ADGRG1: variants seen among roughly 807,000 people sequenced by gnomAD.
ADGRG1 encodes adhesion G protein-coupled receptor G1.
A neutral mutation model predicts 73.5 loss-of-function variants in ADGRG1; 53 were observed. The observed-to-expected ratio is 0.72, with a 90% CI of 0.58 to 0.91. The LOEUF (loss-of-function observed/expected upper bound fraction) is 0.91. Among genes scored for constraint, ADGRG1 ranks in the 40% least tolerant of loss-of-function variants. The probability of loss-of-function intolerance (pLI) is 0.00; values close to 1 mark genes in which losing one functional copy is unlikely to be tolerated. For missense variants in ADGRG1, 795 were observed against 871.8 expected, an observed-to-expected ratio of 0.91 and a Z score of 1.11; for synonymous variants, 394 against 374.4, an observed-to-expected ratio of 1.05 and a Z score of -0.60.
At chr16:57,625,444 G>A, upstream of ADGRG1, 1 of 280,470 alleles carries the variant, frequency 3.6e-6, no homozygotes, top group Non-Finnish European at 5.4e-6. Context: ...TGGGGGGTGG[G>A]GTGTCCCAGC....
At chr16:57,634,109 G>T in intron 1 of ADGRG1, 1 of 985,468 alleles carries the variant, frequency 1.0e-6, no homozygotes, top group Non-Finnish European at 1.2e-6. Context: ...GGTTTCCTGG[G>T]ACAGAACAGC....
intron 3 of ADGRG1, chr16:57,651,921 G>A: frequency 1.5e-6 from 2 of 1,370,936 alleles, no homozygotes; most frequent in Non-Finnish European, 1.9e-6. Flanking sequence ...TCTTGGTGAA[G>A]GAGGATGAGG....
intron 13 of ADGRG1, among the ~76,000 whole-genome samples, chr16:57,662,353 G>A (rs1327713657): frequency 1.3e-5 from 2 of 152,162 alleles, no homozygotes; most frequent in African/African-American, 4.8e-5. Flanking sequence ...GGGTGGCCAG[G>A]GAGGCCTCTC....
chr16:57,661,562 C>T (rs2047096224), intron 12 of ADGRG1, 135 bp from the exon 13 acceptor site: 3 of 1,505,540 alleles, frequency 2.0e-6, no homozygotes, highest in East Asian at 2.5e-5. Context: ...TTTAAAATTA[C>T]ATCAACACTG....
intron 9 of ADGRG1, 34 bp from the exon 10 acceptor site, chr16:57,657,339 C>G (rs757858148): frequency 2.7e-5 from 44 of 1,613,496 alleles, no homozygotes; most frequent in Admixed American, 1.7e-4. Context: ...GTGGGGGACA[C>G]AGAGGCCAGC....
intron 4 of ADGRG1, chr16:57,653,632 C>T (rs1345771403): frequency 5.2e-6 from 5 of 965,262 alleles, no homozygotes; most frequent in Middle Eastern, 5.3e-4. Context: ...ACGGCAGAGC[C>T]GCTCCAAGGC....
intron 13 of ADGRG1, 185 bp from the exon 14 acceptor site, chr16:57,663,266 CG>C: frequency 1.2e-5 from 11 of 940,262 alleles, no homozygotes; most frequent in Non-Finnish European, 1.4e-5. Flanking sequence ...AGAGGCCACA[CG>C]GGGACGCAGC....
At chr16:57,623,199 C>CTA, upstream of ADGRG1, 1 of 984,880 alleles carries the variant, frequency 1.0e-6, no homozygotes, top group Non-Finnish European at 1.2e-6. Flanking sequence ...AGGATAAGTG[C>CTA]TAAACAGGGG....
At chr16:57,646,442 GC>G (rs1349723248) in intron 1 of ADGRG1, 11 of 985,400 alleles carry the variant, frequency 1.1e-5, no homozygotes, top group Non-Finnish European at 1.3e-5. Context: ...CCATGATGTG[GC>G]CCCCATTGTG....
intron 1 of ADGRG1, chr16:57,647,694 C>G (rs1240436806): frequency 1.5e-6 from 1 of 686,412 alleles, no homozygotes; most frequent in African/African-American, 1.9e-5. Flanking sequence ...CAGCCAGCCC[C>G]TCCCCTCAAG....
Position 57,661,782 on chromosome 16 carries a change from G to A in ADGRG1, c.1750G>A (p.Ala584Thr). ...LVFLFNMAML[A>T]TMVVQILRLR... ...GTTTCTGTTCAACATGGCCATGCTAGCCACCATGGTGGTGCAGATCCTGCG... is the reference window on the plus strand; with the variant it reads ...GTTTCTGTTCAACATGGCCATGCTAACCACCATGGTGGTGCAGATCCTGCG... Residue 584 changes from alanine to threonine, a missense_variant, in exon 13 of 14, where the codon GCC (alanine) becomes ACC (threonine). Transcript: ENST00000562631. 1 of 1,614,246 alleles carries A rather than the reference G, an allele frequency of 6.2e-7. No homozygotes were observed. Among genetic ancestry groups the A allele is most frequent in the Non-Finnish European group, 8.5e-7 (1 of 1,180,044 alleles).
intron 5 of ADGRG1, among the ~76,000 whole-genome samples, chr16:57,654,737 G>A (rs8058015): frequency 0.49 from 73,915 of 151,852 alleles, 19,865 homozygotes; most frequent in African/African-American, 0.71. Context: ...AAAATTAGCC[G>A]GGCATGGTAG....
At chr16:57,635,409 G>T in intron 1 of ADGRG1, 1 of 985,416 alleles carries the variant, frequency 1.0e-6, no homozygotes, top group Non-Finnish European at 1.2e-6. Context: ...TTAAGTGGAG[G>T]TGGTGGGAGC....
chr16:57,621,108 G>A (rs1474942919), intron 1 of ADGRG1: 1 of 152,108 alleles, frequency 6.6e-6, no homozygotes, highest in Non-Finnish European at 1.5e-5. Context: ...TTGGCTCCCT[G>A]GGGCGTGTGG....
Position 57,655,433 on chromosome 16 carries a change from T to C in ADGRG1, c.803T>C (p.Leu268Pro), listed in dbSNP as rs770192141. The stretch of plus-strand genomic sequence containing the variant: ...AGCGAGATCATGGAGTACTCGGTGC[T>C]GCTGCCTCGAACACTCTTCCAGAGG... Reference protein sequence around the residue: ...EQSEIMEYSVLLPRTLFQRTK... With the variant: ...EQSEIMEYSVPLPRTLFQRTK... The change falls in exon 6 of 14, where the codon CTG (leucine) becomes CCG (proline). Residue 268 changes from leucine to proline, a missense_variant. Physicochemically the swap from Leu to Pro is moderately conservative, Grantham distance 98. Coordinates refer to ENST00000562631, the MANE Select transcript of ADGRG1 (RefSeq NM_201525.4). 1 of 1,613,736 alleles carries C rather than the reference T, an allele frequency of 6.2e-7. No individual in the cohort carries two copies. Among genetic ancestry groups the C allele is most frequent in the Admixed American group, 1.7e-5 (1 of 60,022 alleles).
intron 1 of ADGRG1, chr16:57,644,244 A>C: frequency 1.1e-6 from 1 of 944,152 alleles, no homozygotes; most frequent in Non-Finnish European, 1.3e-6. Flanking sequence ...ACACTCATGC[A>C]CACACATGCA....
chr16:57,632,701 G>A (rs943318630), intron 1 of ADGRG1: 24 of 847,550 alleles, frequency 2.8e-5, no homozygotes, highest in Middle Eastern at 6.0e-4. Context: ...CCGAGCTGGC[G>A]CCTGCGCAGG....
rs113004424 is a variant in ADGRG1, at chr16:57,659,133, T to C, written c.1287-280T>C. The C allele has an allele frequency of 3.3e-5, 33 of 985,292 alleles. No homozygotes were observed. The African/African-American group carries it at 4.7e-4, about 14-fold the overall frequency. 61.0% of individuals were successfully genotyped at this position (985,292 alleles called of 1,614,324 possible). ...TTTCCGCTCTGACTTTGAGAGTATCTGGTTTATTACTGTGGTTGTCTTCCT... is the reference window on the plus strand; with the variant it reads ...TTTCCGCTCTGACTTTGAGAGTATCCGGTTTATTACTGTGGTTGTCTTCCT... On this transcript the variant is annotated intron_variant, in intron 10 of 13. Transcript: ENST00000562631.
intron 1 of ADGRG1, chr16:57,636,540 C>T: frequency 1.0e-6 from 1 of 985,216 alleles, no homozygotes; most frequent in Non-Finnish European, 1.2e-6. Context: ...TGGCTCAGTG[C>T]TTGAACCCTC....
Sources: allele counts gnomAD v4.1 joint callset (sites outside exome capture counted in the v4.1 genomes callset), GRCh38; gene constraint gnomAD v4.1.1; transcripts MANE v1.5; gene names NCBI Gene and HGNC (gene_info 2026-07-23, HGNC 2026-07-21).